CHM: variants seen among roughly 807,000 people sequenced by gnomAD.
CHM encodes the protein CHM Rab escort protein, also known as rab proteins geranylgeranyltransferase component A 1.
In CHM, 10 loss-of-function variants were observed where a neutral mutation model predicts 49.0. The ratio of observed to expected loss-of-function variants is 0.20; its 90% CI spans 0.13 to 0.35. The LOEUF is 0.35. Ranked by LOEUF, CHM falls within the 10% of genes least tolerant of loss-of-function variation. The probability of loss-of-function intolerance (pLI) is 1.00; values close to 1 mark genes in which losing one functional copy is unlikely to be tolerated. For synonymous variants in CHM, 184 were observed against 167.5 expected (o/e 1.10, Z -0.76); for missense variants, 455 against 478.4 (o/e 0.95, Z 0.46).
intron 4 of CHM, 54 bp from the exon 5 acceptor site, chrX:85,964,106 C>G: frequency 9.2e-7 from 1 of 1,084,823 alleles, no homozygotes; most frequent in Non-Finnish European, 1.3e-6. Flanking sequence ...TTCCCTTACC[C>G]CTTTTATCAA....
At chrX:85,932,305 CAGA>C (rs1569417287) in intron 8 of CHM, among the ~76,000 whole-genome samples, 2 of 112,043 alleles carry the variant, frequency 1.8e-5, no homozygotes, top group Non-Finnish European at 3.8e-5. Context: ...AAGTGAACAG[CAGA>C]AATATTTGGT....
intron 2 of CHM, among the ~76,000 whole-genome samples, chrX:86,019,923 TG>T (rs1275436135): frequency 9.0e-6 from 1 of 110,891 alleles, no homozygotes; most frequent in Non-Finnish European, 1.9e-5. Flanking sequence ...AGATTTAAAC[TG>T]TTTTTGGAAG....
At chrX:85,945,627 C>T (rs1929361138) in intron 8 of CHM, among the ~76,000 whole-genome samples, 1 of 107,273 alleles carries the variant, frequency 9.3e-6, no homozygotes, top group African/African-American at 3.4e-5. Flanking sequence ...TTATAAATAG[C>T]CCAGTGTCAG....
chrX:86,030,985 C>T (rs989280961), intron 1 of CHM, among the ~76,000 whole-genome samples: 1 of 110,873 alleles, frequency 9.0e-6, no homozygotes, highest in African/African-American at 3.3e-5. Context: ...TCACATTTCT[C>T]TATCCATTCT....
chrX:85,937,281 A>AC (rs1285949268), intron 8 of CHM, among the ~76,000 whole-genome samples: 30 of 108,552 alleles, frequency 2.8e-4, no homozygotes, highest in African/African-American at 1.0e-3. Context: ...AAAAAAAAAA[A>AC]CAGTCTGTGT....
intron 5 of CHM, among the ~76,000 whole-genome samples, chrX:85,963,102 AACCCGTCATCTACAT>A (rs1424446727): frequency 1.3e-4 from 15 of 111,369 alleles, no homozygotes; most frequent in Non-Finnish European, 2.3e-4. Flanking sequence ...TGCACCCATC[AACCCGTCATCTACAT>A]ACCCGTCATC....
At chrX:85,958,579 T>C (rs1300672167) in intron 6 of CHM, among the ~76,000 whole-genome samples, 2 of 111,302 alleles carry the variant, frequency 1.8e-5, no homozygotes, top group African/African-American at 6.5e-5. Context: ...AAATCTTGAT[T>C]AATGGGAGAA....
intron 2 of CHM, among the ~76,000 whole-genome samples, chrX:86,002,989 C>T (rs1932776223): frequency 8.9e-6 from 1 of 111,732 alleles, no homozygotes; most frequent in African/African-American, 3.3e-5. Flanking sequence ...CAGTAGGGGC[C>T]GACAGACACC....
At chrX:85,915,104 C>G (rs998258108) in intron 8 of CHM, among the ~76,000 whole-genome samples, 12 of 111,242 alleles carry the variant, frequency 1.1e-4, no homozygotes, top group Non-Finnish European at 2.3e-4. Flanking sequence ...CTCACACAGA[C>G]GAGAAAGAAC....
Position 85,865,126 on chromosome X carries a change from A to G in CHM, c.1771-305T>C, listed in dbSNP as rs778017225. 3.6e-5 allele frequency among the ~76,000 whole-genome samples: 4 copies of G among 111,567 alleles called. No individual in the cohort carries two copies. The Admixed American group carries it at 3.8e-4, about 11-fold the overall frequency. On this transcript the variant is annotated intron_variant, in intron 14 of 14. Transcript: ENST00000357749. Reference sequence around the variant, plus strand: ...ATTCATTCTATATATCAATAGAAATACAATTTCCTTAATATTGTTTATATG... The same window carrying G: ...ATTCATTCTATATATCAATAGAAATGCAATTTCCTTAATATTGTTTATATG...
intron 2 of CHM, among the ~76,000 whole-genome samples, chrX:85,983,376 G>C (rs1931734702): frequency 9.1e-6 from 1 of 110,290 alleles, no homozygotes; most frequent in African/African-American, 3.3e-5. Flanking sequence ...TTGCATCAGA[G>C]AGAACAGTGA....
At chrX:85,958,643 T>C (rs140096898) in intron 6 of CHM, among the ~76,000 whole-genome samples, 6 of 111,768 alleles carry the variant, frequency 5.4e-5, no homozygotes, top group Non-Finnish European at 9.4e-5. Flanking sequence ...CTTTTTGGTT[T>C]TTTGTGTGCT....
chrX:85,911,738 T>A (rs1927040363), intron 8 of CHM, among the ~76,000 whole-genome samples: 1 of 111,243 alleles, frequency 9.0e-6, no homozygotes, highest in Admixed American at 9.6e-5. Flanking sequence ...CAGGGAAGAC[T>A]CTGGAAAACT....
In CHM at chrX:85,901,097, G is replaced by A. The variant is rs773682340; in HGVS notation, c.1336C>T (p.Arg446Cys). 59 of 1,198,445 alleles carry A rather than the reference G, an allele frequency of 4.9e-5. No homozygotes were observed. The highest frequency in any genetic ancestry group is 6.3e-5 in the Non-Finnish European group (56 of 885,175). Residue 446 changes from arginine (R) to cysteine (C), a missense_variant, in exon 10 of 15, where the codon CGT (arginine) becomes TGT (cysteine). By Grantham distance (180) the Arg-to-Cys change is radical. Transcript: ENST00000357749. ...AGGGGGCCTTACCTGTATTGCACAC[G>A]TGAGCACATGTTCTCAGGAAAGTAA... ...DSYFPENMCSRVQYRQISRAV... is the reference protein window; with the variant it reads ...DSYFPENMCSCVQYRQISRAV...
intron 8 of CHM, among the ~76,000 whole-genome samples, chrX:85,940,093 T>C (rs1929020214): frequency 1.8e-5 from 2 of 111,278 alleles, no homozygotes; most frequent in East Asian, 2.8e-4. Context: ...CAGAAGGTGA[T>C]GGGGAACAAG....
chrX:85,964,435 T>C (rs1195559944), intron 4 of CHM, among the ~76,000 whole-genome samples: 2 of 110,229 alleles, frequency 1.8e-5, no homozygotes, highest in Non-Finnish European at 3.8e-5. Flanking sequence ...TAAATTACCC[T>C]CTCTGAGACC....
At chrX:86,008,267 G>A (rs1227903304) in intron 2 of CHM, among the ~76,000 whole-genome samples, 2 of 111,173 alleles carry the variant, frequency 1.8e-5, no homozygotes, top group Admixed American at 9.6e-5. Context: ...GCAGGTGGGG[G>A]GCTGGGGGAA....
chrX:86,012,126 T>C (rs1189326314), intron 2 of CHM, among the ~76,000 whole-genome samples: 1 of 111,362 alleles, frequency 9.0e-6, no homozygotes, highest in Non-Finnish European at 1.9e-5. Context: ...GCAAAACCAC[T>C]CGGCAGAAAC....
intron 1 of CHM, among the ~76,000 whole-genome samples, chrX:86,043,818 T>C (rs777673350): frequency 9.1e-6 from 1 of 110,177 alleles, no homozygotes; most frequent in East Asian, 2.9e-4. Flanking sequence ...ACCTCCGCCT[T>C]CCAGGATCAA....
Sources: allele counts gnomAD v4.1 joint callset (sites outside exome capture counted in the v4.1 genomes callset), GRCh38; gene constraint gnomAD v4.1.1; transcripts MANE v1.5; gene names NCBI Gene and HGNC (gene_info 2026-07-23, HGNC 2026-07-21).